KAZN: variants seen among roughly 807,000 people sequenced by gnomAD.
KAZN encodes kazrin.
KAZN carries 40 observed loss-of-function variants against 87.4 expected under a neutral mutation model. The ratio of observed to expected loss-of-function variants is 0.46; its 90% confidence interval spans 0.36 to 0.60. The LOEUF is 0.60. KAZN is among the 20% of genes least tolerant of loss of function. KAZN has a pLI of 0.00. For synonymous variants in KAZN, 466 were observed against 458.3 expected, an observed-to-expected ratio of 1.02 and a Z score of -0.22; for missense variants, 898 against 1,073.9, an observed-to-expected ratio of 0.84 and a Z score of 2.29.
intron 1 of KAZN, among the ~76,000 whole-genome samples, chr1:13,954,514 C>G (rs917727779): frequency 1.3e-5 from 2 of 152,070 alleles, no homozygotes; most frequent in African/African-American, 2.4e-5. Flanking sequence ...TTTATATACT[C>G]AAAACAACAT....
chr1:14,072,088 C>G (rs1247730715), intron 1 of KAZN, among the ~76,000 whole-genome samples: 1 of 152,164 alleles, frequency 6.6e-6, no homozygotes, highest in Admixed American at 6.5e-5. Context: ...AATTTGATCT[C>G]TTCATGCCTC....
In KAZN at chr1:14,569,715, T is replaced by C. The variant is rs138177686; in HGVS notation, c.250-29268T>C. Reference sequence around the variant, plus strand: ...CTTAAAATCACAAGTCATTAACACCTGGAAACCTCTCATCAGCCAGGAGGG... The same window carrying C: ...CTTAAAATCACAAGTCATTAACACCCGGAAACCTCTCATCAGCCAGGAGGG... On this transcript the variant is annotated intron_variant, in intron 2 of 16. Transcript: ENST00000636203. Among the ~76,000 whole-genome samples, 824 of 152,238 alleles carry C rather than the reference T, an allele frequency of 5.4e-3. 6 individuals are homozygous for C. The highest frequency in any genetic ancestry group is 0.019 in the African/African-American group (786 of 41,524).
intron 1 of KAZN, among the ~76,000 whole-genome samples, chr1:14,781,454 A>T (rs1357559017): frequency 2.0e-5 from 3 of 152,264 alleles, no homozygotes; most frequent in South Asian, 4.1e-4. Flanking sequence ...GCCCAGGGTC[A>T]GCTTCAGAAG....
intron 2 of KAZN, among the ~76,000 whole-genome samples, chr1:14,393,412 G>A (rs558293960): frequency 6.6e-6 from 1 of 152,106 alleles, no homozygotes; most frequent in Non-Finnish European, 1.5e-5. Context: ...TTTAGGTCAC[G>A]AACTCTTACA....
chr1:14,454,651 T>C (rs182401490), intron 2 of KAZN, among the ~76,000 whole-genome samples: 296 of 152,322 alleles, frequency 1.9e-3, no homozygotes, highest in Non-Finnish European at 3.1e-3. Flanking sequence ...CATAAATGAA[T>C]TCTACTGACC....
intron 2 of KAZN, among the ~76,000 whole-genome samples, chr1:14,438,801 T>A (rs1249711780): frequency 6.6e-6 from 1 of 152,232 alleles, no homozygotes; most frequent in Non-Finnish European, 1.5e-5. Flanking sequence ...CACGATGAGC[T>A]TCCTAAAAGT....
At chr1:14,623,433 C>T (rs1678868597) in intron 1 of KAZN, among the ~76,000 whole-genome samples, 1 of 152,120 alleles carries the variant, frequency 6.6e-6, no homozygotes, top group South Asian at 2.1e-4. Flanking sequence ...CACTTGGACA[C>T]AAAGAAGGGA....
rs1272782243 is a variant in KAZN, at chr1:14,195,509, G to GCA, written c.249+14918_249+14919insAC. Among the ~76,000 whole-genome samples, 14 of 38,258 alleles carry GCA rather than the reference G, an allele frequency of 3.7e-4. No individual in the cohort carries two copies. In the South Asian group the frequency reaches 5.9e-3, roughly 16 times the overall value. 25.1% of individuals were successfully genotyped at this position (38,258 alleles called of 152,430 possible). ...ATCAGGGATTCCAATTACAAAAACG[G>GCA]CTCACACACACACACACACACACAC... On this transcript the variant is annotated intron_variant, in intron 2 of 16. Transcript: ENST00000636203.
intron 2 of KAZN, among the ~76,000 whole-genome samples, chr1:14,386,956 A>G (rs1378010530): frequency 2.0e-5 from 3 of 152,198 alleles, no homozygotes; most frequent in Non-Finnish European, 4.4e-5. Context: ...TACACCAGTC[A>G]GACATAGATT....
intron 2 of KAZN, among the ~76,000 whole-genome samples, chr1:14,593,502 T>C (rs776585183): frequency 2.0e-5 from 3 of 152,182 alleles, no homozygotes; most frequent in Non-Finnish European, 2.9e-5. Context: ...GAAAAGGGCA[T>C]TTATTCTTGG....
At chr1:14,231,402 T>A (rs1361484844) in intron 2 of KAZN, among the ~76,000 whole-genome samples, 1 of 152,234 alleles carries the variant, frequency 6.6e-6, no homozygotes. Context: ...CTCATTTTTT[T>A]TTTTAGCATG....
chr1:14,501,147 C>T (rs1272098783), intron 2 of KAZN, among the ~76,000 whole-genome samples: 2 of 148,064 alleles, frequency 1.4e-5, no homozygotes, highest in Non-Finnish European at 3.0e-5. Flanking sequence ...TAATAAAAGC[C>T]CACAATTAAC....
chr1:15,108,424 G>A (rs1410053801), intron 13 of KAZN, among the ~76,000 whole-genome samples: 1 of 152,182 alleles, frequency 6.6e-6, no homozygotes, highest in Admixed American at 6.5e-5. Flanking sequence ...ATCATCGTGT[G>A]ATTTTAGACA....
chr1:14,138,249 A>G (rs1645154087), intron 1 of KAZN, among the ~76,000 whole-genome samples: 1 of 152,094 alleles, frequency 6.6e-6, no homozygotes, highest in Admixed American at 6.6e-5. Flanking sequence ...GTTGACTCGG[A>G]AGCTCAGTGA....
chr1:14,527,998 CCTATCTATCTATCTATCTATCTAT>C (rs200376042), intron 2 of KAZN, among the ~76,000 whole-genome samples: 3 of 145,182 alleles, frequency 2.1e-5, no homozygotes, highest in African/African-American at 7.7e-5. Flanking sequence ...GGTCTAGAAT[CCTATCTATCTATCTATCTATCTAT>C]CTATCTATCT....
In KAZN at chr1:14,328,865, G is replaced by C. The variant is rs187492278; in HGVS notation, c.249+148273G>C. On this transcript the variant is annotated intron_variant, in intron 2 of 16. Transcript: ENST00000636203. ...ACTGTACCTCCTTAGATAGTACATT[G>C]TGCAAAATATGTTGGGAGGGTGACA... is the stretch of plus-strand genomic sequence containing the variant. Among the ~76,000 whole-genome samples the C allele has an allele frequency of 8.6e-5, 13 of 150,440 alleles. No homozygotes were observed. The East Asian group carries it at 2.6e-3, about 30-fold the overall frequency.
intron 1 of KAZN, among the ~76,000 whole-genome samples, chr1:13,971,518 C>T (rs976799295): frequency 4.6e-5 from 7 of 152,128 alleles, no homozygotes; most frequent in South Asian, 2.1e-4. Flanking sequence ...GCCATCTTCA[C>T]GTGCCTTGGT....
At position 15,040,407 on chromosome 1, in the gene KAZN, A is replaced by G. The variant is rs548828853; in HGVS notation, c.556-3582A>G. Among the ~76,000 whole-genome samples the G allele has an allele frequency of 2.1e-3, 326 of 152,314 alleles. 1 individual carries two copies. The highest frequency in any genetic ancestry group is 3.5e-3 in the Non-Finnish European group (239 of 68,020). On this transcript the variant is annotated intron_variant, in intron 3 of 14. Transcript: ENST00000376030. ...CAGGAAGGACCCCAGGCCCTGAGCTACTGGGAGTCGGGGGATGGCACAGGA... is the reference window on the plus strand; with the variant it reads ...CAGGAAGGACCCCAGGCCCTGAGCTGCTGGGAGTCGGGGGATGGCACAGGA...
At chr1:14,819,448 C>T (rs759786314) in intron 1 of KAZN, among the ~76,000 whole-genome samples, 5 of 152,054 alleles carry the variant, frequency 3.3e-5, no homozygotes, top group African/African-American at 4.8e-5. Context: ...AGGTGAGGAC[C>T]GTTGTTCTTA....
Sources: allele counts gnomAD v4.1 joint callset (sites outside exome capture counted in the v4.1 genomes callset), GRCh38; gene constraint gnomAD v4.1.1; transcripts MANE v1.5; gene names NCBI Gene and HGNC (gene_info 2026-07-23, HGNC 2026-07-21).